The following STON2 variants were observed in gnomAD, a reference collection of about 807,000 sequenced individuals.
The protein encoded by STON2 is stonin-2.
STON2 carries 29 observed loss-of-function variants against 65.7 expected under a neutral mutation model. The ratio of observed to expected loss-of-function variants is 0.44; its 90% confidence interval spans 0.33 to 0.60. STON2 has a LOEUF of 0.60. Among genes scored for constraint, STON2 ranks in the 20% least tolerant of loss-of-function variants. STON2 has a pLI of 0.03. For missense variants in STON2, 1,054 were observed against 1,118.1 expected (o/e 0.94, Z 0.82); for synonymous variants, 404 against 414.2 (o/e 0.98, Z 0.30).
In STON2 at chr14:81,313,810, T is replaced by C. The variant is rs149669465; in HGVS notation, c.742+10207A>G. ...ACTCCGTCTCAAAAAAAAAAAAAAATACACACACACACACACACACACACA... is the reference window on the plus strand; with the variant it reads ...ACTCCGTCTCAAAAAAAAAAAAAAACACACACACACACACACACACACACA... On this transcript the variant is annotated intron_variant, in intron 5 of 7. Coordinates refer to ENST00000614646, the MANE Select transcript of STON2 (RefSeq NM_001394390.1). 1.2e-3 allele frequency among the ~76,000 whole-genome samples: 162 copies of C among 139,806 alleles called. 1 individual carries two copies. The South Asian group carries it at 0.014, about 12-fold the overall frequency. 91.7% of individuals were successfully genotyped at this position (139,806 alleles called of 152,430 possible). A position where few individuals can be genotyped will look rare whatever the true frequency, so the allele number is the denominator to read the frequency against.
chr14:81,266,104 TAG>T lies in STON2; in HGVS notation c.*2308_*2309del. The T allele has an allele frequency of 5.1e-6, 5 of 984,824 alleles. No homozygotes were observed. Among genetic ancestry groups the T allele is most frequent in the Non-Finnish European group, 4.8e-6 (4 of 829,404 alleles). 61.0% of individuals were successfully genotyped at this position (984,824 alleles called of 1,614,324 possible). A position where few individuals can be genotyped will look rare whatever the true frequency, so the allele number is the denominator to read the frequency against. On this transcript the variant is annotated 3_prime_UTR_variant, in exon 8 of 8. Transcript: ENST00000614646. The stretch of plus-strand genomic sequence containing the variant: ...TTATGAAGAAAAAGACAAATGAAGT[TAG>T]AGAGTCTTATTACTATTGAGACTAA...
intron 2 of STON2, 123 bp from the exon 3 acceptor site, chr14:81,396,301 G>A (rs963288588): frequency 8.5e-6 from 7 of 822,726 alleles, no homozygotes; most frequent in Non-Finnish European, 1.3e-5. Context: ...AGTGAGTGGG[G>A]AGAAGAAAGA....
chr14:81,425,800 G>A (rs914870134), intron 2 of STON2, among the ~76,000 whole-genome samples: 2 of 152,160 alleles, frequency 1.3e-5, no homozygotes, highest in South Asian at 2.1e-4. Flanking sequence ...AGATCTGATC[G>A]CTGGATGTAA....
intron 4 of STON2, chr14:81,333,279 A>G: frequency 1.4e-6 from 1 of 699,652 alleles, no homozygotes; most frequent in South Asian, 1.4e-5. Context: ...CCCGGGGTGA[A>G]GGACGTCAAT....
intron 2 of STON2, among the ~76,000 whole-genome samples, chr14:81,423,198 C>T (rs528747512): frequency 6.6e-6 from 1 of 152,290 alleles, no homozygotes; most frequent in African/African-American, 2.4e-5. Context: ...AGGAAGAGTT[C>T]TCAAGTTAGG....
At chr14:81,320,835 C>T (rs967825617) in intron 5 of STON2, among the ~76,000 whole-genome samples, 1 of 152,058 alleles carries the variant, frequency 6.6e-6, no homozygotes, top group Non-Finnish European at 1.5e-5. Flanking sequence ...TCTAAAGGAC[C>T]CCAGAGCATT....
chr14:81,278,481 T>C lies in STON2; in HGVS notation c.1001A>G (p.Asp334Gly). ...GTTCATCAAAGTGCTCTTGGGACGG[T>C]CCCTCTTCTTAAATGATCCCATTGA... ...YNSMGSFKKR[D>G]RPKSTLMNFS... Residue 334 changes from aspartate to glycine, a missense_variant, in exon 6 of 8, where the codon GAC becomes GGC. Asp to Gly is a moderately conservative substitution (Grantham distance 94). Coordinates refer to ENST00000614646, the MANE Select transcript of STON2 (RefSeq NM_001394390.1). 6.2e-7 allele frequency: 1 copy of C among 1,614,222 alleles called. No homozygotes were observed. Among genetic ancestry groups the C allele is most frequent in the Non-Finnish European group, 8.5e-7 (1 of 1,180,046 alleles).
At chr14:81,288,595 T>C (rs914033246) in intron 5 of STON2, among the ~76,000 whole-genome samples, 1 of 152,190 alleles carries the variant, frequency 6.6e-6, no homozygotes, top group East Asian at 1.9e-4. Flanking sequence ...TGAAATGTTA[T>C]GTGGGGCATG....
Position 81,278,196 on chromosome 14 carries a change from G to A in STON2, c.1286C>T (p.Ser429Leu). ...ATCAGAGTGTGACTGGGTTTTGCTT[G>A]AATCATCAAAACTGATGGCATCCTG... is the stretch of plus-strand genomic sequence containing the variant. Reference protein sequence around the residue: ...IYQDAISFDDSSKTQSHSDAV... With the variant: ...IYQDAISFDDLSKTQSHSDAV... Residue 429 changes from serine to leucine, a missense_variant, in exon 6 of 8, where the codon TCA (serine) becomes TTA (leucine). Physicochemically the swap from Ser to Leu is moderately radical, Grantham distance 145. Coordinates refer to ENST00000614646, the MANE Select transcript of STON2 (RefSeq NM_001394390.1). 1 of 1,614,086 alleles carries A rather than the reference G, an allele frequency of 6.2e-7. No homozygotes were observed. The highest frequency in any genetic ancestry group is 8.5e-7 in the Non-Finnish European group (1 of 1,179,968).
chr14:81,363,188 T>C (rs1898571710), intron 4 of STON2, among the ~76,000 whole-genome samples: 1 of 152,208 alleles, frequency 6.6e-6, no homozygotes, highest in African/African-American at 2.4e-5. Context: ...CTGTTGTTTC[T>C]GCATTCATAA....
At chr14:81,380,715 C>T (rs191319856) in intron 3 of STON2, among the ~76,000 whole-genome samples, 55 of 152,122 alleles carry the variant, frequency 3.6e-4, no homozygotes, top group African/African-American at 1.3e-3. Flanking sequence ...ACAAATTAAC[C>T]CAGGAACAGA....
At chr14:81,405,576 T>C (rs1900819622) in intron 2 of STON2, among the ~76,000 whole-genome samples, 1 of 150,750 alleles carries the variant, frequency 6.6e-6, no homozygotes, top group African/African-American at 2.5e-5. Flanking sequence ...CTGAAGACCT[T>C]CTGGATTTGA....
chr14:81,340,264 AG>A (rs1234853403), intron 4 of STON2, among the ~76,000 whole-genome samples: 1 of 152,216 alleles, frequency 6.6e-6, no homozygotes, highest in African/African-American at 2.4e-5. Context: ...TTCTAGCGAC[AG>A]AAAGCAGAGC....
intron 4 of STON2, among the ~76,000 whole-genome samples, chr14:81,340,945 T>C (rs935015522): frequency 2.6e-5 from 4 of 151,768 alleles, no homozygotes; most frequent in Non-Finnish European, 4.4e-5. Context: ...TAATAATTGG[T>C]ATATTAATAT....
intron 3 of STON2, 69 bp from the exon 4 acceptor site, chr14:81,371,254 T>A: frequency 6.9e-7 from 1 of 1,441,410 alleles, no homozygotes; most frequent in East Asian, 2.3e-5. Context: ...TTAGTGCTTA[T>A]CTTACTTTGA....
At chr14:81,373,547 A>T (rs1434568499) in intron 3 of STON2, among the ~76,000 whole-genome samples, 1 of 152,212 alleles carries the variant, frequency 6.6e-6, no homozygotes, top group Admixed American at 6.5e-5. Flanking sequence ...CAAAGTAAAG[A>T]ATCATCAGAG....
At chr14:81,303,935 A>T (rs1896069640) in intron 5 of STON2, among the ~76,000 whole-genome samples, 2 of 152,176 alleles carry the variant, frequency 1.3e-5, no homozygotes, top group African/African-American at 4.8e-5. Flanking sequence ...AGATCAAGAA[A>T]CAATTGCCTT....
intron 2 of STON2, among the ~76,000 whole-genome samples, chr14:81,409,056 G>A (rs1271677768): frequency 6.6e-6 from 1 of 152,008 alleles, no homozygotes; most frequent in East Asian, 1.9e-4. Flanking sequence ...CTATATTTTA[G>A]AGCCATATAT....
At position 81,266,899 on chromosome 14, in the gene STON2, G is replaced by T; in HGVS notation, c.*1515C>A. On this transcript the variant is annotated 3_prime_UTR_variant, in exon 8 of 8. Transcript: ENST00000614646. ...GCATTTTAAAAACCCAGAATATAGG[G>T]TTTCTCATTAATGCCTATTCAATCA... 1.0e-6 allele frequency: 1 copy of T among 981,880 alleles called. No homozygotes were observed. The allele number at this position is 981,880 out of a possible 1,614,324, so 60.8% of individuals were successfully genotyped here.
Sources: allele counts gnomAD v4.1 joint callset (sites outside exome capture counted in the v4.1 genomes callset), GRCh38; gene constraint gnomAD v4.1.1; transcripts MANE v1.5; gene names NCBI Gene and HGNC (gene_info 2026-07-23, HGNC 2026-07-21).